Variants in YEATS4 observed in about 807,000 individuals in gnomAD.
The protein encoded by YEATS4 is YEATS domain containing 4.
YEATS4 carries 17 observed loss-of-function variants against 30.1 expected under a neutral mutation model. The ratio of observed to expected loss-of-function variants is 0.56; its 90% CI spans 0.39 to 0.85. The LOEUF (loss-of-function observed/expected upper bound fraction) is 0.85. Among genes scored for constraint, YEATS4 ranks in the 40% least tolerant of loss-of-function variants. The pLI is 0.00. For synonymous variants in YEATS4, 85 were observed against 87.5 expected (o/e 0.97, Z 0.16); for missense variants, 142 against 268.3 (o/e 0.53, Z 3.29).
At chr12:69,362,669 T>G (rs950869484) in intron 1 of YEATS4, 119 bp from the exon 2 acceptor site, 1 of 716,598 alleles carries the variant, frequency 1.4e-6, no homozygotes, top group African/African-American at 1.8e-5. Context: ...AAATCCATAT[T>G]ATAAGCAAAC....
chr12:69,407,350 G>A, the YEATS4 span, among the ~76,000 whole-genome samples: 1 of 152,030 alleles, frequency 6.6e-6, no homozygotes, highest in Admixed American at 6.6e-5. Flanking sequence ...ACTTTGCACA[G>A]TCCCTGGTAC....
rs376819002 is a variant in YEATS4, at chr12:69,365,278, C to T, written c.172-355C>T. 5.5e-3 allele frequency among the ~76,000 whole-genome samples: 831 copies of T among 151,660 alleles called. 4 individuals carry two copies. The highest frequency in any genetic ancestry group is 0.028 in the Middle Eastern group (8 of 290). ...CAGCCTGGCCAACATGGTGAAACCC[C>T]GTCTCTACTAAAAATACAAAAAATT... On this transcript the variant is annotated intron_variant, in intron 2 of 6. Transcript: ENST00000247843.
chr12:69,410,639 T>A, the YEATS4 span, among the ~76,000 whole-genome samples: 1 of 152,174 alleles, frequency 6.6e-6, no homozygotes, highest in Admixed American at 6.5e-5. Flanking sequence ...CAAAAGAAAC[T>A]ATAAGCAAGC....
At chr12:69,414,875 C>T in the YEATS4 span, among the ~76,000 whole-genome samples, 1 of 152,174 alleles carries the variant, frequency 6.6e-6, no homozygotes, top group Admixed American at 6.5e-5. Context: ...GTTGTACTTA[C>T]GTGGCTTTCT....
intron 1 of YEATS4, among the ~76,000 whole-genome samples, chr12:69,362,203 A>T (rs777609056): frequency 1.4e-4 from 21 of 151,846 alleles, no homozygotes; most frequent in Admixed American, 9.8e-4. Context: ...TTTTTAGTAG[A>T]GGTGGGGTTT....
chr12:69,382,654 T>C (rs1876125278), intron 6 of YEATS4, among the ~76,000 whole-genome samples: 1 of 152,190 alleles, frequency 6.6e-6, no homozygotes, highest in Non-Finnish European at 1.5e-5. Flanking sequence ...AGGCGTGGAA[T>C]TGGGGAGTTG....
At chr12:69,382,909 T>G (rs534887446) in intron 6 of YEATS4, among the ~76,000 whole-genome samples, 2 of 152,294 alleles carry the variant, frequency 1.3e-5, no homozygotes, top group South Asian at 4.1e-4. Flanking sequence ...TCCAAAAAAG[T>G]CATTGCTTTT....
the YEATS4 span, among the ~76,000 whole-genome samples, chr12:69,412,052 G>T: frequency 1.3e-4 from 20 of 152,370 alleles, no homozygotes; most frequent in African/African-American, 4.6e-4. Context: ...TAGAAGCAGG[G>T]CTGAGGGACA....
At chr12:69,419,673 CAT>C in the YEATS4 span, among the ~76,000 whole-genome samples, 1 of 152,170 alleles carries the variant, frequency 6.6e-6, no homozygotes, top group Non-Finnish European at 1.5e-5. Context: ...GAAAGAAAGT[CAT>C]GTGTTGAGCA....
the YEATS4 span, among the ~76,000 whole-genome samples, chr12:69,396,125 T>C: frequency 6.6e-6 from 1 of 152,222 alleles, no homozygotes; most frequent in Non-Finnish European, 1.5e-5. Context: ...CTGAGTTAAC[T>C]GTTCTCTACC....
At chr12:69,410,495 G>T in the YEATS4 span, among the ~76,000 whole-genome samples, 2 of 152,164 alleles carry the variant, frequency 1.3e-5, no homozygotes, top group African/African-American at 4.8e-5. Flanking sequence ...TTTAACAGAG[G>T]TCAGGCAAAA....
the YEATS4 span, among the ~76,000 whole-genome samples, chr12:69,402,725 C>CTTTTTTTTTTTT: frequency 1.8e-5 from 2 of 113,114 alleles, no homozygotes; most frequent in African/African-American, 3.3e-5. Flanking sequence ...TCTTTCTTTT[C>CTTTTTTTTTTTT]TTTTTTTTTT....
intron 6 of YEATS4, among the ~76,000 whole-genome samples, chr12:69,383,773 G>A (rs1876169868): frequency 6.6e-6 from 1 of 152,184 alleles, no homozygotes; most frequent in Admixed American, 6.5e-5. Flanking sequence ...CATCAGATAA[G>A]ATAAATTGGA....
the YEATS4 span, among the ~76,000 whole-genome samples, chr12:69,400,442 ATATG>A: frequency 2.0e-5 from 3 of 152,034 alleles, no homozygotes; most frequent in Admixed American, 1.3e-4. Context: ...ATATATATAT[ATATG>A]TATATCTCCT....
At chr12:69,405,930 C>A in the YEATS4 span, among the ~76,000 whole-genome samples, 1 of 152,310 alleles carries the variant, frequency 6.6e-6, no homozygotes, top group Non-Finnish European at 1.5e-5. Context: ...GTGTTCCTGG[C>A]TGGATCTTGA....
chr12:69,402,964 C>T, the YEATS4 span, among the ~76,000 whole-genome samples: 2 of 151,956 alleles, frequency 1.3e-5, no homozygotes, highest in African/African-American at 4.8e-5. Flanking sequence ...CTCAAGTGAT[C>T]TACCCACCTC....
chr12:69,385,201 G>A (rs191904199), intron 6 of YEATS4, among the ~76,000 whole-genome samples: 294 of 151,410 alleles, frequency 1.9e-3, no homozygotes, highest in Non-Finnish European at 3.0e-3. Context: ...TTTTGTAGGG[G>A]CAGGTTTCTC....
chr12:69,409,629 G>GAT, the YEATS4 span, among the ~76,000 whole-genome samples: 264 of 149,194 alleles, frequency 1.8e-3, no homozygotes, highest in African/African-American at 5.9e-3. Context: ...AAAAAAAAAA[G>GAT]ATATATATAT....
chr12:69,367,192 C>T (rs547903512), intron 4 of YEATS4, among the ~76,000 whole-genome samples: 6 of 152,238 alleles, frequency 3.9e-5, no homozygotes, highest in Non-Finnish European at 5.9e-5. Flanking sequence ...TACTTCGTTA[C>T]GCTTCCCTGA....
Sources: gnomAD v4.1 joint callset for allele counts (sites outside exome capture counted in the v4.1 genomes callset) on GRCh38, gnomAD v4.1.1 for gene constraint, MANE v1.5 for transcripts, NCBI Gene and HGNC (gene_info 2026-07-23, HGNC 2026-07-21) for gene names.